Variants in SYT1 observed in about 807,000 individuals in gnomAD.
SYT1 encodes synaptotagmin-1.
In SYT1, 8 loss-of-function variants were observed where a neutral mutation model predicts 44.8. The observed-to-expected ratio is 0.18, with a 90% confidence interval of 0.10 to 0.32. The LOEUF (loss-of-function observed/expected upper bound fraction) is 0.32. SYT1 is among the 10% of genes least tolerant of loss of function. The pLI, the probability that SYT1 is intolerant of heterozygous loss-of-function variation, is 1.00. For synonymous variants in SYT1, 154 were observed against 188.8 expected (o/e 0.82, Z 1.51); for missense variants, 286 against 509.3 (o/e 0.56, Z 4.22).
intron 8 of SYT1, among the ~76,000 whole-genome samples, chr12:79,345,493 C>T (rs117354282): frequency 0.028 from 4,279 of 152,140 alleles, 84 homozygotes; most frequent in Non-Finnish European, 0.041. Flanking sequence ...AAGAAATGAA[C>T]GAATATAAAC....
At chr12:79,256,974 T>C (rs963347274) in intron 4 of SYT1, among the ~76,000 whole-genome samples, 3 of 152,226 alleles carry the variant, frequency 2.0e-5, no homozygotes, top group Non-Finnish European at 4.4e-5. Flanking sequence ...GAGGAGACCA[T>C]GTTACTAATA....
At chr12:79,107,268 T>C (rs1318708677) in intron 3 of SYT1, among the ~76,000 whole-genome samples, 1 of 151,958 alleles carries the variant, frequency 6.6e-6, no homozygotes, top group African/African-American at 2.4e-5. Flanking sequence ...TAATGTTATT[T>C]TGAAATTCAA....
At chr12:78,922,346 G>T (rs17046030) in intron 1 of SYT1, among the ~76,000 whole-genome samples, 27,678 of 151,630 alleles carry the variant, frequency 0.18, 3,156 homozygotes, top group East Asian at 0.5. Context: ...GCAAGACCTC[G>T]CTTCAACCCT....
intron 1 of SYT1, among the ~76,000 whole-genome samples, chr12:78,955,274 G>A (rs1203364639): frequency 6.6e-6 from 1 of 151,632 alleles, no homozygotes; most frequent in Non-Finnish European, 1.5e-5. Flanking sequence ...TTGCTTGATC[G>A]ATTTTCAAAC....
At position 79,035,123 on chromosome 12, in the gene SYT1, C is replaced by T. The variant is rs544170488; in HGVS notation, c.-83-12174C>T. Among the ~76,000 whole-genome samples the T allele has an allele frequency of 4.0e-5, 6 of 151,708 alleles. No individual in the cohort carries two copies. The South Asian group carries it at 8.3e-4, about 21-fold the overall frequency. ...TATAGCAAAGCACCTAAAGATGAGC[C>T]GCTAGTCAGCTCAGAACTATAAAAA... On this transcript the variant is annotated intron_variant, in intron 2 of 10. Transcript: ENST00000261205.
intron 3 of SYT1, among the ~76,000 whole-genome samples, chr12:79,051,155 C>T (rs992371242): frequency 6.6e-6 from 1 of 151,554 alleles, no homozygotes; most frequent in Non-Finnish European, 1.5e-5. Context: ...AAAAAAAACT[C>T]TTCTCCAAAT....
At chr12:78,969,381 G>A (rs528015247) in intron 1 of SYT1, among the ~76,000 whole-genome samples, 14 of 152,242 alleles carry the variant, frequency 9.2e-5, no homozygotes, top group African/African-American at 2.4e-4. Flanking sequence ...GAAAAAGACC[G>A]CAATAAATAA....
chr12:79,226,021 T>C (rs1022204865), intron 4 of SYT1, among the ~76,000 whole-genome samples: 15 of 152,210 alleles, frequency 9.9e-5, no homozygotes, highest in South Asian at 2.1e-4. Context: ...ATGTTGGGTC[T>C]GTTTATGCTC....
At chr12:78,922,150 A>G (rs1303217550) in intron 1 of SYT1, among the ~76,000 whole-genome samples, 1 of 151,972 alleles carries the variant, frequency 6.6e-6, no homozygotes, top group Non-Finnish European at 1.5e-5. Flanking sequence ...ATGAACTCTG[A>G]GATTCTTTGA....
intron 3 of SYT1, among the ~76,000 whole-genome samples, chr12:79,172,681 T>C (rs1160598821): frequency 1.3e-5 from 2 of 151,696 alleles, no homozygotes; most frequent in Non-Finnish European, 2.9e-5. Context: ...CACTTGAGAT[T>C]TGTCAATTTT....
At chr12:78,916,599 C>G (rs1876669667) in intron 1 of SYT1, among the ~76,000 whole-genome samples, 1 of 151,878 alleles carries the variant, frequency 6.6e-6, no homozygotes, top group Non-Finnish European at 1.5e-5. Flanking sequence ...CTATTGTGTA[C>G]ATATAAAATA....
intron 1 of SYT1, among the ~76,000 whole-genome samples, chr12:78,957,036 G>T (rs1039566334): frequency 3.9e-5 from 6 of 152,172 alleles, no homozygotes; most frequent in African/African-American, 1.2e-4. Flanking sequence ...ATCAGAAAAA[G>T]ATTTGCTGTT....
At chr12:78,900,252 C>T (rs1479836931) in intron 1 of SYT1, among the ~76,000 whole-genome samples, 3 of 152,016 alleles carry the variant, frequency 2.0e-5, no homozygotes, top group African/African-American at 4.8e-5. Flanking sequence ...TTTAAATTGA[C>T]GCTTTGCCAG....
chr12:79,149,104 C>T (rs971722013), intron 3 of SYT1, among the ~76,000 whole-genome samples: 2 of 151,998 alleles, frequency 1.3e-5, no homozygotes, highest in African/African-American at 4.8e-5. Flanking sequence ...CTGTTTAAAT[C>T]AGATTTACAA....
chr12:79,009,503 G>A (rs1214691467), intron 2 of SYT1, among the ~76,000 whole-genome samples: 2 of 152,084 alleles, frequency 1.3e-5, no homozygotes, highest in Non-Finnish European at 2.9e-5. Context: ...TAGGTATTAA[G>A]TTCTTACTTG....
intron 8 of SYT1, among the ~76,000 whole-genome samples, chr12:79,309,281 C>T (rs2138925286): frequency 6.6e-6 from 1 of 152,308 alleles, no homozygotes; most frequent in South Asian, 2.1e-4. Flanking sequence ...TAGGATTTTT[C>T]TTACTGATAG....
At chr12:78,981,436 T>C (rs939521039) in intron 2 of SYT1, among the ~76,000 whole-genome samples, 16 of 152,112 alleles carry the variant, frequency 1.1e-4, no homozygotes, top group Non-Finnish European at 7.4e-5. Flanking sequence ...TTAATTCTTT[T>C]AAAATGAATA....
Position 79,194,436 on chromosome 12 carries a change from T to A in SYT1, c.-17-23067T>A, listed in dbSNP as rs185682820. Among the ~76,000 whole-genome samples, 52 of 140,372 alleles carry A rather than the reference T, an allele frequency of 3.7e-4. 1 individual carries two copies. Among genetic ancestry groups the A allele is most frequent in the East Asian group, 2.0e-4 (1 of 4,994 alleles). The allele number at this position is 140,372 out of a possible 152,430, so 92.1% of individuals were successfully genotyped here. A position where few individuals can be genotyped will look rare whatever the true frequency, so the allele number is the denominator to read the frequency against. ...AATTCTACACTCAGAAAGTCTGAAGTGGGGCTTAATAATTTTGTTATTATT... is the reference window on the plus strand; with the variant it reads ...AATTCTACACTCAGAAAGTCTGAAGAGGGGCTTAATAATTTTGTTATTATT... On this transcript the variant is annotated intron_variant, in intron 3 of 10. Coordinates refer to ENST00000261205, the MANE Select transcript of SYT1 (RefSeq NM_005639.3).
chr12:79,291,684 C>T (rs1879589044), intron 5 of SYT1: 2 of 439,828 alleles, frequency 4.5e-6, no homozygotes, highest in Middle Eastern at 3.4e-4. Flanking sequence ...TTTATCTTTC[C>T]TCTGAAAGCA....
Sources: allele counts gnomAD v4.1 joint callset (sites outside exome capture counted in the v4.1 genomes callset), GRCh38; gene constraint gnomAD v4.1.1; transcripts MANE v1.5; gene names NCBI Gene and HGNC (gene_info 2026-07-23, HGNC 2026-07-21).